MSRA: variants seen among roughly 807,000 people sequenced by gnomAD.
MSRA encodes the protein mitochondrial peptide methionine sulfoxide reductase.
In MSRA, 54 loss-of-function variants were observed where a neutral mutation model predicts 31.3. The observed-to-expected ratio is 1.73, with a 90% CI of 1.39 to 2.17. MSRA has a LOEUF of 2.17. MSRA is among the 30% of genes most tolerant of loss of function. MSRA has a pLI of 0.00. For missense variants in MSRA, 507 were observed against 300.9 expected, an observed-to-expected ratio of 1.69 and a Z score of -5.07; for synonymous variants, 169 against 116.5, an observed-to-expected ratio of 1.45 and a Z score of -2.90.
intron 1 of MSRA, among the ~76,000 whole-genome samples, chr8:10,079,631 C>G (rs1462430203): frequency 6.6e-6 from 1 of 152,160 alleles, no homozygotes; most frequent in Non-Finnish European, 1.5e-5. Context: ...CCCGCAGTGT[C>G]CCTCCCCGCA....
intron 1 of MSRA, among the ~76,000 whole-genome samples, chr8:10,175,144 G>A (rs1036785542): frequency 2.0e-5 from 3 of 151,896 alleles, no homozygotes; most frequent in Admixed American, 6.6e-5. Context: ...TGGCCGTCCC[G>A]GTCACTTCAC....
At chr8:10,300,853 T>G (rs1051307719) in intron 3 of MSRA, among the ~76,000 whole-genome samples, 3 of 152,146 alleles carry the variant, frequency 2.0e-5, no homozygotes, top group Non-Finnish European at 2.9e-5. Context: ...TACCCACCCC[T>G]GATCCACCAA....
At chr8:10,349,374 C>T (rs1257859665) in intron 5 of MSRA, among the ~76,000 whole-genome samples, 5 of 152,176 alleles carry the variant, frequency 3.3e-5, no homozygotes, top group East Asian at 1.9e-4. Flanking sequence ...TTATCATCCT[C>T]GGCCTGCACA....
intron 5 of MSRA, among the ~76,000 whole-genome samples, chr8:10,339,942 G>C (rs1803316660): frequency 1.3e-5 from 2 of 152,192 alleles, no homozygotes; most frequent in African/African-American, 4.8e-5. Flanking sequence ...ACCCCACCCA[G>C]GCCTCTGCTC....
chr8:10,373,871 G>A (rs751679002), intron 5 of MSRA, among the ~76,000 whole-genome samples: 2 of 152,178 alleles, frequency 1.3e-5, no homozygotes, highest in African/African-American at 4.8e-5. Flanking sequence ...TGAGAAGTGC[G>A]GTGTCTGTAC....
intron 5 of MSRA, among the ~76,000 whole-genome samples, chr8:10,343,502 A>G (rs1370948914): frequency 6.6e-6 from 1 of 152,096 alleles, no homozygotes; most frequent in African/African-American, 2.4e-5. Flanking sequence ...TTTTCCCCCA[A>G]AGTGGAATGT....
At chr8:10,297,947 T>G (rs1800631925) in intron 3 of MSRA, among the ~76,000 whole-genome samples, 1 of 152,232 alleles carries the variant, frequency 6.6e-6, no homozygotes, top group Non-Finnish European at 1.5e-5. Context: ...GGCTACAGCC[T>G]GTGTGACATT....
chr8:10,427,969 AG>A (rs1382640134), intron 5 of MSRA, among the ~76,000 whole-genome samples, 178 bp from the exon 6 acceptor site: 3 of 152,236 alleles, frequency 2.0e-5, no homozygotes, highest in Non-Finnish European at 4.4e-5. Context: ...AGGCACAGCA[AG>A]GTAAGTCCCT....
intron 5 of MSRA, among the ~76,000 whole-genome samples, chr8:10,343,561 TTTAA>T (rs1431034171): frequency 6.6e-6 from 1 of 152,216 alleles, no homozygotes; most frequent in Non-Finnish European, 1.5e-5. Context: ...CCAACCACTC[TTTAA>T]TTGTCTCCTA....
intron 1 of MSRA, among the ~76,000 whole-genome samples, chr8:10,071,971 A>C (rs1263816645): frequency 1.3e-5 from 2 of 152,176 alleles, no homozygotes; most frequent in African/African-American, 2.4e-5. Context: ...CCCTGTGTCC[A>C]GGGGTCCCTC....
At chr8:10,343,857 A>T (rs763492889) in intron 5 of MSRA, among the ~76,000 whole-genome samples, 1 of 152,204 alleles carries the variant, frequency 6.6e-6, no homozygotes, top group Middle Eastern at 3.2e-3. Context: ...AAACAAAGAA[A>T]ATAATCAGCA....
chr8:10,284,615 C>G (rs1799834338), intron 3 of MSRA, among the ~76,000 whole-genome samples: 1 of 152,100 alleles, frequency 6.6e-6, no homozygotes, highest in African/African-American at 2.4e-5. Context: ...ACCTAGAGTC[C>G]CCTCCCTACT....
At position 10,301,519 on chromosome 8, in the gene MSRA, T is replaced by G. The variant is rs1800843161; in HGVS notation, c.332-15T>G. On this transcript the variant is annotated splice_polypyrimidine_tract_variant and intron_variant, in intron 3 of 5. Coordinates refer to ENST00000317173, the MANE Select transcript of MSRA (RefSeq NM_012331.5). ...TTGTCAGTAAATTTCGGTTGTACGT[T>G]TTGTTTTTTCCAAGAAAAAACTGGC... The G allele has an allele frequency of 6.2e-7, 1 of 1,601,070 alleles. No homozygotes were observed. The highest frequency in any genetic ancestry group is 1.1e-5 in the South Asian group (1 of 88,352).
At chr8:10,214,521 A>G (rs1390080270) in intron 2 of MSRA, among the ~76,000 whole-genome samples, 2 of 151,994 alleles carry the variant, frequency 1.3e-5, no homozygotes, top group Non-Finnish European at 2.9e-5. Context: ...ATGTTGGTAA[A>G]TAACCGAGTC....
At chr8:10,252,521 G>T (rs1797970388) in intron 3 of MSRA, among the ~76,000 whole-genome samples, 1 of 152,198 alleles carries the variant, frequency 6.6e-6, no homozygotes, top group Non-Finnish European at 1.5e-5. Context: ...CTAAGGGTGT[G>T]ACAGTAAAGA....
At chr8:10,285,825 T>C (rs1011232646) in intron 3 of MSRA, among the ~76,000 whole-genome samples, 8 of 152,218 alleles carry the variant, frequency 5.3e-5, no homozygotes, top group Non-Finnish European at 1.0e-4. Flanking sequence ...ACAGTTTTGT[T>C]CTTTTTTTAA....
At chr8:10,265,191 G>A (rs1022147577) in intron 3 of MSRA, among the ~76,000 whole-genome samples, 3 of 152,170 alleles carry the variant, frequency 2.0e-5, no homozygotes, top group African/African-American at 7.2e-5. Context: ...ATGCTAATAT[G>A]CTCTGCAGCT....
chr8:10,176,832 A>C (rs62488743), intron 1 of MSRA, among the ~76,000 whole-genome samples: 55 of 152,162 alleles, frequency 3.6e-4, no homozygotes, highest in Non-Finnish European at 6.0e-4. Flanking sequence ...TACAACTGGA[A>C]CTTCTGGTCA....
At chr8:10,161,505 A>C (rs988527175) in intron 1 of MSRA, among the ~76,000 whole-genome samples, 5 of 152,172 alleles carry the variant, frequency 3.3e-5, no homozygotes, top group African/African-American at 1.2e-4. Flanking sequence ...TGTGAAGAAG[A>C]AGGAAAAAAT....
Sources: allele counts gnomAD v4.1 joint callset (sites outside exome capture counted in the v4.1 genomes callset), GRCh38; gene constraint gnomAD v4.1.1; transcripts MANE v1.5; gene names NCBI Gene and HGNC (gene_info 2026-07-23, HGNC 2026-07-21).